Variants in DDX24 observed in about 807,000 individuals in gnomAD.
DDX24 encodes ATP-dependent RNA helicase DDX24.
In DDX24, 24 loss-of-function variants were observed where a neutral mutation model predicts 68.9. The observed-to-expected ratio is 0.35, with a 90% CI of 0.25 to 0.49. The LOEUF (loss-of-function observed/expected upper bound fraction) is 0.49, where lower values mean the gene tolerates loss of function less well. Among genes scored for constraint, DDX24 ranks in the 20% least tolerant of loss-of-function variants. DDX24 has a pLI of 0.99. For missense variants in DDX24, 989 were observed against 1,039.0 expected, an observed-to-expected ratio of 0.95 and a Z score of 0.66; for synonymous variants, 395 against 385.2, an observed-to-expected ratio of 1.03 and a Z score of -0.30.
intron 3 of DDX24, 52 bp downstream of exon 3, chr14:94,062,045 G>A (rs930454054): frequency 3.0e-5 from 46 of 1,526,768 alleles, no homozygotes; most frequent in South Asian, 1.7e-4. Context: ...CTTTACCAAC[G>A]AGCATTTGGG....
chr14:94,069,945 G>C (rs1885794360), intron 2 of DDX24, among the ~76,000 whole-genome samples: 1 of 152,090 alleles, frequency 6.6e-6, no homozygotes, highest in Admixed American at 6.5e-5. Flanking sequence ...CTGAGAACTG[G>C]AACAAGACAA....
chr14:94,068,256 A>G (rs1885747731), intron 2 of DDX24, among the ~76,000 whole-genome samples: 1 of 152,196 alleles, frequency 6.6e-6, no homozygotes, highest in Non-Finnish European at 1.5e-5. Flanking sequence ...AATGGTTAAA[A>G]CAGACAAAGA....
At chr14:94,065,899 A>C (rs1193360200) in intron 2 of DDX24, among the ~76,000 whole-genome samples, 1 of 152,216 alleles carries the variant, frequency 6.6e-6, no homozygotes, top group Non-Finnish European at 1.5e-5. Context: ...ACAGGGATCC[A>C]CTGGGAGGGT....
chr14:94,072,168 G>C (rs1885845430), intron 2 of DDX24, among the ~76,000 whole-genome samples: 2 of 152,176 alleles, frequency 1.3e-5, no homozygotes. Context: ...TTTTATAGCA[G>C]CACAATTCAC....
At chr14:94,058,452 GACTT>G (rs1885530051) in intron 5 of DDX24, among the ~76,000 whole-genome samples, 1 of 152,186 alleles carries the variant, frequency 6.6e-6, no homozygotes, top group South Asian at 2.1e-4. Flanking sequence ...ACCCCTGCTC[GACTT>G]ACTTCTTAGG....
chr14:94,056,542 C>G (rs566810693), intron 6 of DDX24: 1 of 152,238 alleles, frequency 6.6e-6, no homozygotes, highest in Admixed American at 6.5e-5. Context: ...CCCTGTACCT[C>G]AGCCTATACA....
At chr14:94,078,831 A>G in intron 2 of DDX24, 194 bp downstream of exon 2, 1 of 610,780 alleles carries the variant, frequency 1.6e-6, no homozygotes, top group Non-Finnish European at 2.8e-6. Context: ...TGAGAGAGAT[A>G]AAAGTGATCT....
At chr14:94,076,009 TCA>T (rs1885932137) in intron 2 of DDX24, among the ~76,000 whole-genome samples, 1 of 152,230 alleles carries the variant, frequency 6.6e-6, no homozygotes, top group Non-Finnish European at 1.5e-5. Context: ...CAACTTGAAC[TCA>T]TACCACCTAG....
intron 2 of DDX24, among the ~76,000 whole-genome samples, chr14:94,074,273 A>G (rs951925309): frequency 1.3e-5 from 2 of 152,164 alleles, no homozygotes; most frequent in African/African-American, 4.8e-5. Flanking sequence ...ACACCAAAAC[A>G]TTACAAGAAA....
At chr14:94,053,365 T>C (rs1174156153) in intron 7 of DDX24, 4 of 172,540 alleles carry the variant, frequency 2.3e-5, no homozygotes, top group Non-Finnish European at 3.0e-5. Context: ...TTTCTTTTTT[T>C]TTTTTTTTTT....
At position 94,051,156 on chromosome 14, in the gene DDX24, G is replaced by A. The variant is rs1467813142; in HGVS notation, c.*35C>T. ...AGGTTTTGCAAATAGCCAGAGAACA[G>A]AAACCAATGTGCAGTCACTGACACA... On this transcript the variant is annotated 3_prime_UTR_variant, in exon 9 of 9. Coordinates refer to ENST00000621632, the MANE Select transcript of DDX24 (RefSeq NM_020414.4). The A allele has an allele frequency of 6.7e-7, 1 of 1,490,058 alleles. No individual in the cohort carries two copies. The highest frequency in any genetic ancestry group is 8.9e-7 in the Non-Finnish European group (1 of 1,123,046). The allele number at this position is 1,490,058 out of a possible 1,614,324, so 92.3% of individuals were successfully genotyped here.
intron 2 of DDX24, among the ~76,000 whole-genome samples, chr14:94,066,368 G>T (rs745460978): frequency 6.6e-6 from 1 of 152,096 alleles, no homozygotes; most frequent in African/African-American, 2.4e-5. Context: ...CAGAGCAGGC[G>T]TAGACCTGCC....
intron 7 of DDX24, among the ~76,000 whole-genome samples, chr14:94,053,996 A>T (rs12890045): frequency 0.32 from 48,095 of 152,032 alleles, 7,754 homozygotes; most frequent in Admixed American, 0.38. Flanking sequence ...CCCAACAATC[A>T]ACCTGAACAG....
At chr14:94,072,520 G>A (rs944121314) in intron 2 of DDX24, among the ~76,000 whole-genome samples, 24 of 152,128 alleles carry the variant, frequency 1.6e-4, no homozygotes, top group African/African-American at 5.6e-4. Context: ...CGGGTGATAG[G>A]TGCACCAAAA....
rs985195832 is a variant in DDX24 at position 94,067,364 on chromosome 14, G to A, written c.719-4743C>T. 5.3e-5 allele frequency among the ~76,000 whole-genome samples: 8 copies of A among 152,000 alleles called. No individual in the cohort carries two copies. In the East Asian group the frequency reaches 7.7e-4, roughly 15 times the overall value. ...TGTTAAATGACCAAACCTAATAATC[G>A]GTGTACCTGAGGAAGGAGAGAATGC... On this transcript the variant is annotated intron_variant, in intron 2 of 8. Transcript: ENST00000621632.
At position 94,060,973 on chromosome 14, in the gene DDX24, C is replaced by G; in HGVS notation, c.1337G>C (p.Gly446Ala). Residue 446 changes from glycine (G) to alanine (A), a missense_variant, in exon 4 of 9, where the codon GGC becomes GCC. Around this residue, in one of 3 missense-constraint regions of DDX24, gnomAD observed 691 missense variants for 760.0 expected, o/e 0.91. Transcript: ENST00000621632. Reference sequence around the variant, plus strand: ...TTCTTTAATTAATTCCCACAGCCGGCCTGGAGTAGCAACCACAATCTCAGG... The same window carrying G: ...TTCTTTAATTAATTCCCACAGCCGGGCTGGAGTAGCAACCACAATCTCAGG... Reference protein sequence around the residue: ...RRPEIVVATPGRLWELIKEKH... With the variant: ...RRPEIVVATPARLWELIKEKH... The G allele has an allele frequency of 6.2e-7, 1 of 1,614,214 alleles. No individual in the cohort carries two copies. The highest frequency in any genetic ancestry group is 8.5e-7 in the Non-Finnish European group (1 of 1,180,042).
intron 2 of DDX24, among the ~76,000 whole-genome samples, chr14:94,072,367 C>T (rs749703624): frequency 3.3e-5 from 5 of 152,136 alleles, no homozygotes; most frequent in Non-Finnish European, 1.5e-5. Context: ...AACCAAACAT[C>T]GTATGTTATC....
Position 94,048,823 on chromosome 14 carries a change from G to C in DDX24, c.*2368C>G, listed in dbSNP as rs1348629223. On this transcript the variant is annotated 3_prime_UTR_variant, in exon 9 of 9. Transcript: ENST00000621632. ...GGAGTGGGGAGGGGGCTGTAACTCA[G>C]TGAGTGGCTTCCAGGGGCCCCAGGC... The C allele has an allele frequency of 1.3e-5, 2 of 152,298 alleles. No homozygotes were observed. The highest frequency in any genetic ancestry group is 1.5e-5 in the Non-Finnish European group (1 of 68,102). The allele number at this position is 152,298 out of a possible 1,614,324, so 9.4% of individuals were successfully genotyped here.
At chr14:94,051,825 A>G (rs1023322560) in intron 8 of DDX24, 1 of 206,496 alleles carries the variant, frequency 4.8e-6, no homozygotes, top group Non-Finnish European at 9.6e-6. Flanking sequence ...TTTTCTTCCT[A>G]TGACCCACCC....
Sources: gnomAD v4.1 joint callset for allele counts (sites outside exome capture counted in the v4.1 genomes callset) on GRCh38, gnomAD v4.1.1 for gene constraint, gnomAD v4.1.1 regional missense constraint, MANE v1.5 for transcripts, NCBI Gene and HGNC (gene_info 2026-07-23, HGNC 2026-07-21) for gene names.